RGS5: variants seen among roughly 807,000 people sequenced by gnomAD.
RGS5 encodes the protein regulator of G-protein signalling 5.
RGS5 carries 20 observed loss-of-function variants against 18.9 expected under a neutral mutation model. The observed-to-expected ratio is 1.06, with a 90% CI of 0.74 to 1.54. The LOEUF (loss-of-function observed/expected upper bound fraction) is 1.54. Among genes scored for constraint, RGS5 ranks in the 40% most tolerant of loss-of-function variants. The probability of loss-of-function intolerance (pLI) is 0.00; values close to 1 mark genes in which losing one functional copy is unlikely to be tolerated. For missense variants in RGS5, 201 were observed against 211.8 expected (o/e 0.95, Z 0.32); for synonymous variants, 57 against 76.2 (o/e 0.75, Z 1.31).
chr1:163,268,195 T>A (rs1571329950), intron 2 of RGS5, among the ~76,000 whole-genome samples: 1 of 152,076 alleles, frequency 6.6e-6, no homozygotes, highest in South Asian at 2.1e-4. Flanking sequence ...ACACAGTTGT[T>A]CCAGACACAA....
Position 163,142,638 on chromosome 1 carries a change from G to T in RGS5, c.*4704C>A, listed in dbSNP as rs1407742567. ...TATTTATTCAGATTGCTTGTCTCCA[G>T]TGGCAAATTTCTCAGCATTTCTCTT... On this transcript the variant is annotated 3_prime_UTR_variant, in exon 5 of 5. Coordinates refer to ENST00000313961, the MANE Select transcript of RGS5 (RefSeq NM_003617.4). 6.6e-6 allele frequency: 1 copy of T among 152,106 alleles called. No homozygotes were observed. The highest frequency in any genetic ancestry group is 1.5e-5 in the Non-Finnish European group (1 of 68,022). 9.4% of individuals were successfully genotyped at this position (152,106 alleles called of 1,614,324 possible). A position where few individuals can be genotyped will look rare whatever the true frequency, so the allele number is the denominator to read the frequency against.
chr1:163,240,535 A>G (rs554533106), intron 2 of RGS5, among the ~76,000 whole-genome samples: 1 of 152,152 alleles, frequency 6.6e-6, no homozygotes, highest in South Asian at 2.1e-4. Context: ...ATTTTTTAAG[A>G]GAGAGATGGA....
rs533397964 is a variant in RGS5, at chr1:163,189,485, A to G, written c.44+13307T>C. ...ACGATAAAATTTTTAGAGGGTTATT[A>G]AGAAGTGTGATGAATAAAGCAAACA... On this transcript the variant is annotated intron_variant, in intron 1 of 4. Transcript: ENST00000313961. Among the ~76,000 whole-genome samples the G allele has an allele frequency of 7.9e-5, 12 of 152,358 alleles. No individual in the cohort carries two copies. In the East Asian group the frequency reaches 1.9e-3, roughly 24 times the overall value.
At chr1:163,285,615 T>C (rs1376389292) in intron 2 of RGS5, among the ~76,000 whole-genome samples, 2 of 152,254 alleles carry the variant, frequency 1.3e-5, no homozygotes, top group East Asian at 3.9e-4. Context: ...GGTTCAGCTC[T>C]GTGTCCCCAC....
At chr1:163,188,023 G>A (rs563216723) in intron 1 of RGS5, among the ~76,000 whole-genome samples, 89 of 152,132 alleles carry the variant, frequency 5.9e-4, no homozygotes, top group African/African-American at 2.1e-3. Flanking sequence ...TCCAGAAGTC[G>A]CAGAAGTCTT....
chr1:163,147,309 C>A lies in RGS5; in HGVS notation c.*33G>T. ...TGCAGGGTTATTATGGAGGAAATAA[C>A]TCACAGGATGATTTCATAGCCTGGC... On this transcript the variant is annotated 3_prime_UTR_variant, in exon 5 of 5. Transcript: ENST00000313961. The A allele has an allele frequency of 1.3e-6, 2 of 1,553,152 alleles. No individual in the cohort carries two copies. Among genetic ancestry groups the A allele is most frequent in the South Asian group, 1.3e-5 (1 of 78,964 alleles).
chr1:163,218,089 A>T (rs1262375117), upstream of RGS5, among the ~76,000 whole-genome samples: 1 of 152,050 alleles, frequency 6.6e-6, no homozygotes, highest in Non-Finnish European at 1.5e-5. Context: ...AGCCCAAGTG[A>T]ACTAAGTGTC....
chr1:163,175,165 G>C (rs1658491619), intron 1 of RGS5, among the ~76,000 whole-genome samples: 1 of 152,112 alleles, frequency 6.6e-6, no homozygotes, highest in Admixed American at 6.5e-5. Context: ...ACACTCGCTA[G>C]CCGTCAATGT....
At chr1:163,312,623 T>C (rs2101650855) in intron 1 of RGS5, among the ~76,000 whole-genome samples, 1 of 152,310 alleles carries the variant, frequency 6.6e-6, no homozygotes, top group South Asian at 2.1e-4. Context: ...AAGCAGAGAA[T>C]ACATTTTAAA....
At position 163,310,662 on chromosome 1, in the gene RGS5, A is replaced by T. The variant is rs556736875; in HGVS notation, c.-377-4333T>A. 1.1e-4 allele frequency among the ~76,000 whole-genome samples: 16 copies of T among 151,764 alleles called. No individual in the cohort carries two copies. In the South Asian group the frequency reaches 3.3e-3, roughly 32 times the overall value. ...ACATTGAAAATCTGTTGTTTAGCGT[A>T]GTCACTTTCATCATCTTAGCAAGAT... On this transcript the variant is annotated intron_variant, in intron 1 of 5. Coordinates refer to the RGS5 transcript ENST00000618415.
chr1:163,159,262 G>A (rs549030106), intron 3 of RGS5, among the ~76,000 whole-genome samples: 74 of 152,220 alleles, frequency 4.9e-4, no homozygotes, highest in African/African-American at 8.9e-4. Flanking sequence ...TGAAGATTAC[G>A]GGATTAAGAG....
At position 163,274,590 on chromosome 1, in the gene RGS5, C is replaced by A. The variant is rs116463986; in HGVS notation, c.-281+31643G>T. Among the ~76,000 whole-genome samples, 463 of 152,192 alleles carry A rather than the reference C, an allele frequency of 3.0e-3. 5 individuals carry two copies. The highest frequency in any genetic ancestry group is 9.6e-3 in the African/African-American group (399 of 41,524). On this transcript the variant is annotated intron_variant, in intron 2 of 5. Transcript: ENST00000618415. ...GAACCTGGGGATGGATGTGGGAACT[C>A]TCAATTTATAACTTGTTTGTCAGGA...
At chr1:163,276,864 C>T (rs1000460320) in intron 2 of RGS5, among the ~76,000 whole-genome samples, 3 of 152,172 alleles carry the variant, frequency 2.0e-5, no homozygotes, top group Non-Finnish European at 4.4e-5. Context: ...CCTTTTGAAC[C>T]TACCCCTCCT....
At chr1:163,230,417 C>T (rs903792354) in intron 2 of RGS5, among the ~76,000 whole-genome samples, 1 of 151,918 alleles carries the variant, frequency 6.6e-6, no homozygotes, top group African/African-American at 2.4e-5. Context: ...CTAACAACAT[C>T]AATAGGAGCT....
chr1:163,301,166 T>C (rs1475337140), intron 2 of RGS5, among the ~76,000 whole-genome samples: 6 of 152,216 alleles, frequency 3.9e-5, no homozygotes, highest in African/African-American at 1.4e-4. Flanking sequence ...TTTCAGCCTT[T>C]GACAGGGCAC....
At chr1:163,154,989 A>G (rs1364511049) in intron 3 of RGS5, among the ~76,000 whole-genome samples, 2 of 152,034 alleles carry the variant, frequency 1.3e-5, no homozygotes, top group African/African-American at 2.4e-5. Flanking sequence ...AAAACTATGT[A>G]TATGTCCATT....
chr1:163,179,110 A>C (rs1658692760), intron 1 of RGS5, among the ~76,000 whole-genome samples: 2 of 152,210 alleles, frequency 1.3e-5, no homozygotes, highest in Non-Finnish European at 2.9e-5. Context: ...TCCTAGAGAG[A>C]AAGTCAAGTG....
At chr1:163,307,918 T>C (rs1156925591) in intron 1 of RGS5, among the ~76,000 whole-genome samples, 2 of 152,188 alleles carry the variant, frequency 1.3e-5, no homozygotes, top group East Asian at 3.8e-4. Context: ...CAGAAAATAA[T>C]GAGCAGTAAC....
intron 2 of RGS5, among the ~76,000 whole-genome samples, chr1:163,255,575 A>T (rs1241037750): frequency 1.3e-5 from 2 of 151,312 alleles, no homozygotes; most frequent in East Asian, 3.9e-4. Context: ...TATTCCAATC[A>T]ATAGAAAAAG....
Sources: allele counts gnomAD v4.1 joint callset (sites outside exome capture counted in the v4.1 genomes callset), GRCh38; gene constraint gnomAD v4.1.1; transcripts MANE v1.5; gene names NCBI Gene and HGNC (gene_info 2026-07-23, HGNC 2026-07-21).